The following QSOX1 variants were observed in gnomAD, a reference collection of about 807,000 sequenced individuals.
QSOX1 encodes quiescin sulfhydryl oxidase 1.
QSOX1 carries 40 observed loss-of-function variants against 76.1 expected under a neutral mutation model. That is an observed-to-expected ratio of 0.53 (90% CI 0.41 to 0.68). The LOEUF (loss-of-function observed/expected upper bound fraction) is 0.68. Among genes scored for constraint, QSOX1 ranks in the 30% least tolerant of loss-of-function variants. The pLI, the probability that QSOX1 is intolerant of heterozygous loss-of-function variation, is 0.00. For synonymous variants in QSOX1, 392 were observed against 413.1 expected (o/e 0.95, Z 0.62); for missense variants, 931 against 974.3 (o/e 0.96, Z 0.59).
chr1:180,179,597 A>C (rs12075137), intron 5 of QSOX1, among the ~76,000 whole-genome samples: 1 of 152,150 alleles, frequency 6.6e-6, no homozygotes, highest in Non-Finnish European at 1.5e-5. Context: ...CCATTCTGCC[A>C]TTGGTTCATG....
At chr1:180,185,804 TC>T (rs969723157) in intron 7 of QSOX1, among the ~76,000 whole-genome samples, 4 of 152,218 alleles carry the variant, frequency 2.6e-5, no homozygotes, top group African/African-American at 9.6e-5. Context: ...TATTTGATCC[TC>T]TCAGCAACTT....
At chr1:180,194,069 C>T (rs1007083807) in intron 10 of QSOX1, 144 bp from the exon 11 acceptor site, 3 of 644,656 alleles carry the variant, frequency 4.7e-6, no homozygotes, top group Non-Finnish European at 7.7e-6. Context: ...GACACTGGGC[C>T]TCTGCTGGCA....
chr1:180,161,338 G>A (rs1662489345), intron 1 of QSOX1, among the ~76,000 whole-genome samples: 1 of 152,134 alleles, frequency 6.6e-6, no homozygotes, highest in African/African-American at 2.4e-5. Flanking sequence ...ATCTCAGATT[G>A]GACTTTTAAC....
In QSOX1 at chr1:180,196,146, G is replaced by A; in HGVS notation, c.1469-116G>A. The A allele has an allele frequency of 7.7e-7, 1 of 1,290,552 alleles. No individual in the cohort carries two copies. Among genetic ancestry groups the A allele is most frequent in the Non-Finnish European group, 1.1e-6 (1 of 937,694 alleles). The allele number at this position is 1,290,552 out of a possible 1,614,324, so 79.9% of individuals were successfully genotyped here. A position where few individuals can be genotyped will look rare whatever the true frequency, so the allele number is the denominator to read the frequency against. On this transcript the variant is annotated intron_variant, in intron 11 of 11. Coordinates refer to ENST00000367602, the MANE Select transcript of QSOX1 (RefSeq NM_002826.5). The surrounding 1 kb of genome is among the most constrained non-coding windows in gnomAD (Gnocchi z 4.1). Reference sequence around the variant, plus strand: ...TTCTAATTACCCATCCTCTGGAAGGGCAGTGGCGAGCCCTTTCTGCAGACA... The same window carrying A: ...TTCTAATTACCCATCCTCTGGAAGGACAGTGGCGAGCCCTTTCTGCAGACA...
chr1:180,164,724 CG>C (rs1662572677), intron 1 of QSOX1, among the ~76,000 whole-genome samples: 1 of 152,126 alleles, frequency 6.6e-6, no homozygotes, highest in South Asian at 2.1e-4. Flanking sequence ...TCTGAGACGT[CG>C]TAAGGAGTAA....
chr1:180,190,931 T>C (rs1663293057), intron 10 of QSOX1, among the ~76,000 whole-genome samples: 1 of 152,146 alleles, frequency 6.6e-6, no homozygotes, highest in Non-Finnish European at 1.5e-5. Flanking sequence ...TTTATACTCT[T>C]AACAAAGAAA....
chr1:180,177,599 G>A (rs1181222207), intron 4 of QSOX1, among the ~76,000 whole-genome samples: 2 of 152,210 alleles, frequency 1.3e-5, no homozygotes, highest in Admixed American at 1.3e-4. Context: ...GTAGAGATGT[G>A]TGATGAAAGG....
chr1:180,176,618 A>G (rs1026147439), intron 4 of QSOX1, among the ~76,000 whole-genome samples: 2 of 152,194 alleles, frequency 1.3e-5, no homozygotes, highest in Non-Finnish European at 2.9e-5. Context: ...TTTTCCAGGA[A>G]AATGAAGACA....
intron 8 of QSOX1, 45 bp from the exon 9 acceptor site, chr1:180,189,507 G>A: frequency 1.3e-6 from 2 of 1,549,588 alleles, no homozygotes; most frequent in Non-Finnish European, 1.8e-6. Flanking sequence ...GGGAACTTGG[G>A]GAATTGCTTT....
Position 180,196,478 on chromosome 1 carries a change from C to T in QSOX1, c.1685C>T (p.Pro562Leu). Residue 562 changes from proline to leucine, a missense_variant, in exon 12 of 12, where the codon CCA becomes CTA. Coordinates refer to ENST00000367602, the MANE Select transcript of QSOX1 (RefSeq NM_002826.5). The surrounding 1 kb of genome is among the most constrained non-coding windows in gnomAD (Gnocchi z 4.1). ...GATGTGCAGAATGTGGCAGCCGCCCCAGAGCTGGCGATGGGAGCCCTGGAG... is the reference window on the plus strand; with the variant it reads ...GATGTGCAGAATGTGGCAGCCGCCCTAGAGCTGGCGATGGGAGCCCTGGAG... ...RRDVQNVAAA[P>L]ELAMGALELE... 12 of 1,613,982 alleles carry T rather than the reference C, an allele frequency of 7.4e-6. No individual in the cohort carries two copies. Among genetic ancestry groups the T allele is most frequent in the Non-Finnish European group, 9.3e-6 (11 of 1,179,848 alleles).
Position 180,183,983 on chromosome 1 carries a change from G to T in QSOX1, c.820G>T (p.Ala274Ser), listed in dbSNP as rs1361714354. ...QRLSGLTREA[A>S]QTTVAPTTAN... ...ACTCTCTGGGCTCACCAGGGAGGCT[G>T]CCCAGACCACAGTTGCACCAACCAC... The change falls in exon 7 of 12, where the codon GCC (alanine) becomes TCC (serine). Residue 274 changes from alanine to serine, a missense_variant. By Grantham distance (99) the Ala-to-Ser change is moderately conservative. Coordinates refer to ENST00000367602, the MANE Select transcript of QSOX1 (RefSeq NM_002826.5). 5 of 1,613,924 alleles carry T rather than the reference G, an allele frequency of 3.1e-6. No individual in the cohort carries two copies. The African/African-American group carries it at 4.0e-5, about 13-fold the overall frequency.
At chr1:180,172,727 C>T (rs533058247) in intron 2 of QSOX1, among the ~76,000 whole-genome samples, 1 of 152,264 alleles carries the variant, frequency 6.6e-6, no homozygotes, top group African/African-American at 2.4e-5. Context: ...CCCTGTTGGC[C>T]AGGCTGGTCT....
intron 4 of QSOX1, 83 bp downstream of exon 4, chr1:180,176,116 C>T (rs1381314985): frequency 5.0e-5 from 57 of 1,131,112 alleles, no homozygotes; most frequent in South Asian, 2.1e-4. Flanking sequence ...AACAGCAGGG[C>T]GGGGACCCCA....
Position 180,167,906 on chromosome 1 carries a change from G to T in QSOX1, c.366+1315G>T, listed in dbSNP as rs3753808. On this transcript the variant is annotated intron_variant, in intron 2 of 11. Coordinates refer to ENST00000367602, the MANE Select transcript of QSOX1 (RefSeq NM_002826.5). Reference sequence around the variant, plus strand: ...ACTCTGTTCCTTTGGCTGAACCAGGGTGAGTGGCCCTGAGTGGGAAGCTGT... The same window carrying T: ...ACTCTGTTCCTTTGGCTGAACCAGGTTGAGTGGCCCTGAGTGGGAAGCTGT... 0.022 allele frequency among the ~76,000 whole-genome samples: 3,365 copies of T among 152,340 alleles called. 188 individuals are homozygous for T. The East Asian group carries it at 0.23, about 10-fold the overall frequency.
chr1:180,185,774 GT>G (rs1663155373), intron 7 of QSOX1, among the ~76,000 whole-genome samples: 1 of 152,200 alleles, frequency 6.6e-6, no homozygotes, highest in Non-Finnish European at 1.5e-5. Flanking sequence ...GCTGCTGAGA[GT>G]TTTTTACATT....
intron 2 of QSOX1, among the ~76,000 whole-genome samples, chr1:180,168,959 G>C (rs923003343): frequency 2.6e-5 from 4 of 152,250 alleles, no homozygotes; most frequent in African/African-American, 9.6e-5. Context: ...GGAGGAGAGA[G>C]TGCTTTTGGT....
intron 1 of QSOX1, among the ~76,000 whole-genome samples, chr1:180,165,553 C>T (rs3753811): frequency 0.029 from 4,400 of 152,372 alleles, 125 homozygotes; most frequent in East Asian, 0.094. Flanking sequence ...TCTGTTTCCA[C>T]CTTTCCTGCT....
rs537910671 is a variant in QSOX1, at chr1:180,199,060, G to A, written c.*2023G>A. The A allele has an allele frequency of 1.4e-3, 209 of 153,322 alleles. No homozygotes were observed. The highest frequency in any genetic ancestry group is 2.2e-3 in the Non-Finnish European group (150 of 68,792). 9.5% of individuals were successfully genotyped at this position (153,322 alleles called of 1,614,324 possible). On this transcript the variant is annotated 3_prime_UTR_variant, in exon 12 of 12. Coordinates refer to ENST00000367602, the MANE Select transcript of QSOX1 (RefSeq NM_002826.5). ...AGCAGCCCGGGCTGCACAGTGTGTA[G>A]CCCAGCCTCCAGGTCCACGGAGTGG...
intron 1 of QSOX1, among the ~76,000 whole-genome samples, chr1:180,164,602 G>T (rs1345403517): frequency 6.6e-6 from 1 of 152,176 alleles, no homozygotes; most frequent in Non-Finnish European, 1.5e-5. Context: ...CCAGGGATGC[G>T]TCAGGGTGTG....
Sources: gnomAD v4.1 joint callset for allele counts (sites outside exome capture counted in the v4.1 genomes callset) on GRCh38, gnomAD v4.1.1 for gene constraint, Gnocchi (gnomAD v3.1) non-coding constraint, MANE v1.5 for transcripts, NCBI Gene and HGNC (gene_info 2026-07-23, HGNC 2026-07-21) for gene names.